The following KAT6A variants were observed in gnomAD, a reference collection of about 807,000 sequenced individuals.
KAT6A encodes the protein lysine acetyltransferase 6A.
A neutral mutation model predicts 198.4 loss-of-function variants in KAT6A; 9 were observed. The ratio of observed to expected loss-of-function variants is 0.05; its 90% CI spans 0.03 to 0.08. The LOEUF (loss-of-function observed/expected upper bound fraction) is 0.08. Among genes scored for constraint, KAT6A ranks in the 10% least tolerant of loss-of-function variants. KAT6A has a pLI of 1.00. For missense variants in KAT6A, 2,077 were observed against 2,509.9 expected (o/e 0.83, Z 3.69); for synonymous variants, 890 against 883.0 (o/e 1.01, Z -0.14).
At chr8:42,046,223 G>A (rs759485489) in intron 2 of KAT6A, among the ~76,000 whole-genome samples, 4 of 152,008 alleles carry the variant, frequency 2.6e-5, no homozygotes, top group Non-Finnish European at 5.9e-5. Context: ...GATAATTCAA[G>A]CAAGTGTAAT....
At chr8:41,937,668 A>ATAT in intron 15 of KAT6A, 100 bp from the exon 16 acceptor site, 1 of 918,880 alleles carries the variant, frequency 1.1e-6, no homozygotes, top group Non-Finnish European at 1.6e-6. Context: ...AGCACATATA[A>ATAT]AATGAGGATG....
intron 2 of KAT6A, among the ~76,000 whole-genome samples, chr8:42,030,152 A>G (rs1190281016): frequency 6.6e-6 from 1 of 152,152 alleles, no homozygotes; most frequent in Non-Finnish European, 1.5e-5. Flanking sequence ...GCTGCAGCTC[A>G]TTGGGTCTCG....
intron 6 of KAT6A, among the ~76,000 whole-genome samples, chr8:41,978,284 T>C (rs1824165974): frequency 6.6e-6 from 1 of 152,216 alleles, no homozygotes. Flanking sequence ...TTCCTGTTTT[T>C]ATATAAGAGA....
chr8:41,963,143 G>A (rs1370732807), intron 8 of KAT6A, among the ~76,000 whole-genome samples: 1 of 152,082 alleles, frequency 6.6e-6, no homozygotes, highest in Non-Finnish European at 1.5e-5. Flanking sequence ...TTTATTTAAT[G>A]TTTTGTTCAC....
At chr8:42,043,855 T>C (rs1034631591) in intron 2 of KAT6A, among the ~76,000 whole-genome samples, 3 of 152,214 alleles carry the variant, frequency 2.0e-5, no homozygotes, top group African/African-American at 7.2e-5. Flanking sequence ...AAATCTCTTT[T>C]ATGCCTCAGT....
rs188029717 is a variant in KAT6A, at chr8:42,013,520, A to G, written c.601-25957T>C. Reference sequence around the variant, plus strand: ...AGTGCTGGGATTACAGGCGTAAGCCACCACGCCCGGCCTTGGCTCTGCTTT... The same window carrying G: ...AGTGCTGGGATTACAGGCGTAAGCCGCCACGCCCGGCCTTGGCTCTGCTTT... On this transcript the variant is annotated intron_variant, in intron 2 of 16. Transcript: ENST00000265713. Among the ~76,000 whole-genome samples, 571 of 152,278 alleles carry G rather than the reference A, an allele frequency of 3.7e-3. 5 individuals carry two copies. Among genetic ancestry groups the G allele is most frequent in the African/African-American group, 0.012 (513 of 41,564 alleles).
chr8:42,023,635 G>A (rs867300086), intron 2 of KAT6A, among the ~76,000 whole-genome samples: 9 of 151,544 alleles, frequency 5.9e-5, no homozygotes, highest in South Asian at 2.1e-4. Flanking sequence ...CTATAGGCGC[G>A]CGCCACCATG....
intron 9 of KAT6A, among the ~76,000 whole-genome samples, chr8:41,950,131 T>TA (rs1357418248): frequency 3.9e-5 from 6 of 152,172 alleles, no homozygotes; most frequent in Non-Finnish European, 2.9e-5. Flanking sequence ...CACTATAAAT[T>TA]AGAGTCAAGA....
chr8:42,030,986 G>GT (rs1275189409), intron 2 of KAT6A, among the ~76,000 whole-genome samples: 3 of 121,660 alleles, frequency 2.5e-5, no homozygotes, highest in Non-Finnish European at 4.8e-5. Flanking sequence ...GAAAAAAAAA[G>GT]TAAGATGCAA....
chr8:41,971,180 AAACCTGCACGTTGTGCAC>A (rs1238144185), intron 8 of KAT6A, among the ~76,000 whole-genome samples: 3 of 151,648 alleles, frequency 2.0e-5, no homozygotes, highest in Non-Finnish European at 4.4e-5. Flanking sequence ...TATACGTAAC[AAACCTGCACGTTGTGCAC>A]ATGTACCCTA....
At chr8:41,937,120 A>C in intron 16 of KAT6A, 136 bp downstream of exon 16, 1 of 639,492 alleles carries the variant, frequency 1.6e-6, no homozygotes, top group Non-Finnish European at 2.7e-6. Flanking sequence ...ACAACTTTTT[A>C]GAGATTGCCA....
chr8:41,933,480 G>A lies in KAT6A; in HGVS notation c.4740C>T (p.Asn1580=), dbSNP rs748614147. 7.4e-6 allele frequency: 12 copies of A among 1,613,490 alleles called. No individual in the cohort carries two copies. Among genetic ancestry groups the A allele is most frequent in the South Asian group, 6.6e-5 (6 of 91,056 alleles). ...AGGAGCAGCTGCTCTGGGAAGAGCT[G>A]TTCCCACAGATGCTGCCGCCCATCG... ...DSTMGGSICG[N]SSSQSSCSYG... Residue 1580 remains asparagine, a synonymous_variant, in exon 17 of 17, where the codon AAC becomes AAT. Coordinates refer to ENST00000265713, the MANE Select transcript of KAT6A (RefSeq NM_006766.5). The surrounding 1 kb of genome is among the most constrained non-coding windows in gnomAD (Gnocchi z 6.2).
At chr8:41,993,220 A>G (rs1825026477) in intron 2 of KAT6A, among the ~76,000 whole-genome samples, 1 of 152,194 alleles carries the variant, frequency 6.6e-6, no homozygotes, top group Admixed American at 6.5e-5. Flanking sequence ...ATTCAGACCA[A>G]CTGGCTGTGT....
chr8:41,973,574 T>C (rs1243690008), intron 8 of KAT6A, among the ~76,000 whole-genome samples: 1 of 152,174 alleles, frequency 6.6e-6, no homozygotes, highest in Non-Finnish European at 1.5e-5. Flanking sequence ...GTACATTTGT[T>C]GGTGGCAAAG....
At chr8:41,962,968 C>T (rs1481630091) in intron 8 of KAT6A, among the ~76,000 whole-genome samples, 2 of 152,094 alleles carry the variant, frequency 1.3e-5, no homozygotes, top group Non-Finnish European at 2.9e-5. Flanking sequence ...GTCAGAGAGA[C>T]AGTCCCCACC....
intron 2 of KAT6A, among the ~76,000 whole-genome samples, chr8:42,028,659 T>C (rs1826963126): frequency 6.6e-6 from 1 of 152,148 alleles, no homozygotes; most frequent in Non-Finnish European, 1.5e-5. Context: ...CAGTATATAA[T>C]TGGGTCTTAA....
At position 41,930,580 on chromosome 8, in the gene KAT6A, A is replaced by G. The variant is rs190681430; in HGVS notation, c.*1625T>C. 678 of 187,150 alleles carry G rather than the reference A, an allele frequency of 3.6e-3. 6 individuals carry two copies. The highest frequency in any genetic ancestry group is 0.014 in the African/African-American group (605 of 42,586). 11.6% of individuals were successfully genotyped at this position (187,150 alleles called of 1,614,324 possible). A position where few individuals can be genotyped will look rare whatever the true frequency, so the allele number is the denominator to read the frequency against. Reference sequence around the variant, plus strand: ...AAAGGAGAGAATTTAATGCTTACAGATATTTCTCTAAGCAGTACTTCCCCC... The same window carrying G: ...AAAGGAGAGAATTTAATGCTTACAGGTATTTCTCTAAGCAGTACTTCCCCC... On this transcript the variant is annotated 3_prime_UTR_variant, in exon 17 of 17. Coordinates refer to ENST00000265713, the MANE Select transcript of KAT6A (RefSeq NM_006766.5).
At chr8:41,957,088 A>G (rs1822957172) in intron 8 of KAT6A, 2 of 603,606 alleles carry the variant, frequency 3.3e-6, no homozygotes, top group South Asian at 2.8e-5. Context: ...TCTTCCCATC[A>G]GCTGCCCGCT....
In KAT6A at chr8:41,934,197, G is replaced by C; in HGVS notation, c.4023C>G (p.Val1341=). 1 of 1,614,118 alleles carries C rather than the reference G, an allele frequency of 6.2e-7. No individual in the cohort carries two copies. Residue 1341 remains valine, a synonymous_variant, in exon 17 of 17, where the codon GTC becomes GTG. Coordinates refer to ENST00000265713, the MANE Select transcript of KAT6A (RefSeq NM_006766.5). The part of the protein sequence containing the change: ...ELEEQPTRED[V]KEEPGVQESF... Reference sequence around the variant, plus strand: ...ACTCTTGAACACCAGGCTCCTCCTTGACATCTTCCCTCGTGGGCTGTTCCT... The same window carrying C: ...ACTCTTGAACACCAGGCTCCTCCTTCACATCTTCCCTCGTGGGCTGTTCCT...
Sources: allele counts gnomAD v4.1 joint callset (sites outside exome capture counted in the v4.1 genomes callset), GRCh38; gene constraint gnomAD v4.1.1; non-coding constraint Gnocchi (gnomAD v3.1); transcripts MANE v1.5; gene names NCBI Gene and HGNC (gene_info 2026-07-23, HGNC 2026-07-21).